The following GRIP1 variants were observed in gnomAD, a reference collection of about 807,000 sequenced individuals.
The protein encoded by GRIP1 is glutamate receptor-interacting protein 1.
A neutral mutation model predicts 129.9 loss-of-function variants in GRIP1; 45 were observed. The ratio of observed to expected loss-of-function variants is 0.35; its 90% CI spans 0.27 to 0.44. GRIP1 has a LOEUF of 0.44. GRIP1 is among the 20% of genes least tolerant of loss of function. The pLI is 1.00. For missense variants in GRIP1, 1,196 were observed against 1,396.8 expected (o/e 0.86, Z 2.29); for synonymous variants, 530 against 520.8 (o/e 1.02, Z -0.24).
intron 8 of GRIP1, among the ~76,000 whole-genome samples, chr12:66,464,877 G>A (rs1264384286): frequency 7.3e-5 from 11 of 151,484 alleles, no homozygotes; most frequent in Non-Finnish European, 1.0e-4. Context: ...ACAAGTGTGT[G>A]TACATATGTA....
At chr12:66,522,349 C>G (rs954206665) in intron 5 of GRIP1, among the ~76,000 whole-genome samples, 78 of 152,316 alleles carry the variant, frequency 5.1e-4, no homozygotes, top group Non-Finnish European at 4.3e-4. Context: ...TCACCAATAT[C>G]CGCTGTTCTA....
intron 1 of GRIP1, among the ~76,000 whole-genome samples, chr12:66,918,500 TA>T (rs2041163369): frequency 6.6e-6 from 1 of 152,134 alleles, no homozygotes; most frequent in Non-Finnish European, 1.5e-5. Context: ...GGCTGACATA[TA>T]AAACAAATGA....
At chr12:66,728,968 G>T (rs2036343159) in intron 1 of GRIP1, among the ~76,000 whole-genome samples, 1 of 151,970 alleles carries the variant, frequency 6.6e-6, no homozygotes, top group South Asian at 2.1e-4. Context: ...TCACTAAAAT[G>T]ATCCCAAACA....
intron 1 of GRIP1, among the ~76,000 whole-genome samples, chr12:66,714,902 T>A (rs1352489013): frequency 6.7e-6 from 1 of 149,302 alleles, no homozygotes; most frequent in Non-Finnish European, 1.5e-5. Flanking sequence ...CATCCATCCA[T>A]CCATCCATCC....
chr12:66,823,549 CTCTGGCACCTAATACACCA>C (rs1273563070), intron 1 of GRIP1, among the ~76,000 whole-genome samples: 2 of 152,124 alleles, frequency 1.3e-5, no homozygotes, highest in African/African-American at 4.8e-5. Flanking sequence ...TTAGTACATA[CTCTGGCACCTAATACACCA>C]TATCTATCTC....
intron 7 of GRIP1, among the ~76,000 whole-genome samples, chr12:66,493,521 A>C (rs1336471761): frequency 6.6e-6 from 1 of 152,170 alleles, no homozygotes; most frequent in Non-Finnish European, 1.5e-5. Flanking sequence ...AGTGATAAAT[A>C]GCACTTTATG....
rs536535066 is a variant in GRIP1, at chr12:66,380,880, A to G, written c.2465-1444T>C. 6.9e-4 allele frequency among the ~76,000 whole-genome samples: 105 copies of G among 152,164 alleles called. 1 individual carries two copies. The highest frequency in any genetic ancestry group is 2.4e-3 in the African/African-American group (99 of 41,508). On this transcript the variant is annotated intron_variant, in intron 19 of 24. Transcript: ENST00000359742. ...TGGATGCGCTGGCTTGGAATATGGT[A>G]TGTGTTTCTTACTGTACTTAAATCA...
chr12:66,582,250 G>GT (rs2063417733), intron 2 of GRIP1, among the ~76,000 whole-genome samples: 1 of 145,948 alleles, frequency 6.9e-6, no homozygotes, highest in South Asian at 2.2e-4. Flanking sequence ...TTGATGGGAC[G>GT]TATCTCAAAA....
At chr12:66,379,981 C>T (rs1299097814) in intron 19 of GRIP1, among the ~76,000 whole-genome samples, 1 of 152,178 alleles carries the variant, frequency 6.6e-6, no homozygotes, top group African/African-American at 2.4e-5. Flanking sequence ...TCTCGCCCCA[C>T]CACAACCTCC....
At chr12:66,585,377 T>C (rs2063588701) in intron 2 of GRIP1, among the ~76,000 whole-genome samples, 1 of 135,964 alleles carries the variant, frequency 7.4e-6, no homozygotes, top group African/African-American at 2.7e-5. Flanking sequence ...CTTGCGATAG[T>C]TTACTGAGAA....
chr12:66,382,531 C>T (rs1204288284), intron 19 of GRIP1, among the ~76,000 whole-genome samples: 1 of 152,120 alleles, frequency 6.6e-6, no homozygotes, highest in East Asian at 1.9e-4. Flanking sequence ...AATGAATGCA[C>T]ACCTTATGAA....
At chr12:66,911,604 A>T (rs1220448955) in intron 1 of GRIP1, among the ~76,000 whole-genome samples, 1 of 152,198 alleles carries the variant, frequency 6.6e-6, no homozygotes, top group African/African-American at 2.4e-5. Flanking sequence ...TAATTGTAAG[A>T]GCAGTTCCTG....
intron 23 of GRIP1, among the ~76,000 whole-genome samples, chr12:66,366,617 A>T (rs2055161094): frequency 6.6e-6 from 1 of 152,218 alleles, no homozygotes. Flanking sequence ...CATACAATTA[A>T]GAAGTATAAT....
chr12:66,954,837 C>T (rs973205164), intron 1 of GRIP1, among the ~76,000 whole-genome samples: 2 of 151,424 alleles, frequency 1.3e-5, no homozygotes, highest in Non-Finnish European at 2.9e-5. Context: ...GAAGGAGATA[C>T]GTGCTATGGG....
chr12:66,499,021 G>A (rs1332226514), intron 7 of GRIP1, among the ~76,000 whole-genome samples: 1 of 152,120 alleles, frequency 6.6e-6, no homozygotes, highest in Admixed American at 6.5e-5. Context: ...AAGATCCCTA[G>A]GACATCCAAA....
intron 1 of GRIP1, among the ~76,000 whole-genome samples, chr12:66,819,158 C>A (rs2039276156): frequency 6.6e-6 from 1 of 152,178 alleles, no homozygotes; most frequent in Non-Finnish European, 1.5e-5. Context: ...CTCTATTACA[C>A]TTTTGGTAGG....
chr12:66,445,267 A>G, intron 12 of GRIP1, 55 bp downstream of exon 12: 1 of 1,338,288 alleles, frequency 7.5e-7, no homozygotes, highest in South Asian at 1.2e-5. Flanking sequence ...ATTCAAAGAT[A>G]GCAGGTACCA....
chr12:66,782,661 C>T (rs984301988), intron 1 of GRIP1, among the ~76,000 whole-genome samples: 4 of 152,136 alleles, frequency 2.6e-5, no homozygotes, highest in Admixed American at 2.6e-4. Context: ...ATGATAGCCC[C>T]AAATTGCATA....
intron 1 of GRIP1, among the ~76,000 whole-genome samples, chr12:66,609,141 G>A (rs1043605484): frequency 4.6e-5 from 7 of 151,866 alleles, no homozygotes; most frequent in African/African-American, 1.7e-4. Flanking sequence ...TTACAAATCT[G>A]TCTAAGGCTA....
Sources: gnomAD v4.1 joint callset for allele counts (sites outside exome capture counted in the v4.1 genomes callset) on GRCh38, gnomAD v4.1.1 for gene constraint, MANE v1.5 for transcripts, NCBI Gene and HGNC (gene_info 2026-07-23, HGNC 2026-07-21) for gene names.